Variants in TRPC7 observed in about 807,000 individuals in gnomAD.
TRPC7 encodes the protein short transient receptor potential channel 7.
In TRPC7, 42 loss-of-function variants were observed where a neutral mutation model predicts 90.1. That is an observed-to-expected ratio of 0.47 (90% CI 0.36 to 0.60). The LOEUF (loss-of-function observed/expected upper bound fraction) is 0.60, where lower values mean the gene tolerates loss of function less well. Among genes scored for constraint, TRPC7 ranks in the 20% least tolerant of loss-of-function variants. TRPC7 has a pLI of 0.00. For missense variants in TRPC7, 955 were observed against 1,112.3 expected, an observed-to-expected ratio of 0.86 and a Z score of 2.01; for synonymous variants, 451 against 436.3, an observed-to-expected ratio of 1.03 and a Z score of -0.42.
chr5:136,360,876 A>G (rs1760548346), intron 1 of TRPC7, among the ~76,000 whole-genome samples: 1 of 152,070 alleles, frequency 6.6e-6, no homozygotes, highest in South Asian at 2.1e-4. Context: ...ACTCCCTCTT[A>G]CCCTAATATC....
rs1371096633 is a variant in TRPC7 at position 136,251,498 on chromosome 5, C to T, written c.1579+151G>A. 4.6e-6 allele frequency: 3 copies of T among 650,860 alleles called. No individual in the cohort carries two copies. The African/African-American group carries it at 5.5e-5, about 12-fold the overall frequency. 40.3% of individuals were successfully genotyped at this position (650,860 alleles called of 1,614,324 possible). ...TTTTTGAGGTGGAAAGGATGCTCTG[C>T]ACTGACAGTGGAACTGCCAAAGTCG... On this transcript the variant is annotated intron_variant, in intron 6 of 11. Transcript: ENST00000513104.
intron 5 of TRPC7, among the ~76,000 whole-genome samples, chr5:136,258,451 A>T (rs1333023408): frequency 6.6e-6 from 1 of 152,126 alleles, no homozygotes; most frequent in East Asian, 1.9e-4. Context: ...TTTAGAGCCC[A>T]GGGCTCAAGG....
intron 6 of TRPC7, among the ~76,000 whole-genome samples, 169 bp downstream of exon 6, chr5:136,251,480 G>C (rs1756513825): frequency 6.6e-6 from 1 of 152,148 alleles, no homozygotes; most frequent in Non-Finnish European, 1.5e-5. Flanking sequence ...GTTTTTTTGA[G>C]GTGGAAAGGA....
At chr5:136,312,085 T>C (rs1227073567) in intron 3 of TRPC7, among the ~76,000 whole-genome samples, 1 of 152,118 alleles carries the variant, frequency 6.6e-6, no homozygotes, top group Non-Finnish European at 1.5e-5. Context: ...TAATAAGTGT[T>C]TGGACCTGGG....
chr5:136,289,758 C>T (rs905162188), intron 3 of TRPC7, among the ~76,000 whole-genome samples: 6 of 152,254 alleles, frequency 3.9e-5, no homozygotes, highest in Admixed American at 2.0e-4. Flanking sequence ...CCTCTGCAGA[C>T]TTAAATGTCC....
intron 5 of TRPC7, among the ~76,000 whole-genome samples, chr5:136,257,840 AC>A (rs147799264): frequency 6.6e-6 from 1 of 152,024 alleles, no homozygotes; most frequent in Non-Finnish European, 1.5e-5. Context: ...GCTTTCCTCT[AC>A]CCCCAAATTA....
chr5:136,327,739 G>T (rs1759384655), intron 2 of TRPC7, among the ~76,000 whole-genome samples: 1 of 152,126 alleles, frequency 6.6e-6, no homozygotes, highest in African/African-American at 2.4e-5. Flanking sequence ...GGTAAAGTGG[G>T]GAAGCACACA....
At chr5:136,226,987 G>A (rs192017657) in intron 8 of TRPC7, among the ~76,000 whole-genome samples, 2 of 152,328 alleles carry the variant, frequency 1.3e-5, no homozygotes, top group East Asian at 1.9e-4. Flanking sequence ...GGACAGCACA[G>A]TATATTTATT....
chr5:136,270,704 A>G (rs1757182364), intron 4 of TRPC7, among the ~76,000 whole-genome samples: 1 of 152,190 alleles, frequency 6.6e-6, no homozygotes, highest in Admixed American at 6.5e-5. Flanking sequence ...TAGGAAATAG[A>G]TGGAGAGATG....
intron 10 of TRPC7, among the ~76,000 whole-genome samples, chr5:136,219,338 TC>T (rs1431215136): frequency 6.6e-6 from 1 of 152,178 alleles, no homozygotes; most frequent in East Asian, 1.9e-4. Context: ...TATAAAGTCT[TC>T]TTGTGGAAGC....
chr5:136,259,814 G>T (rs890898150), intron 5 of TRPC7, among the ~76,000 whole-genome samples: 4 of 152,194 alleles, frequency 2.6e-5, no homozygotes, highest in African/African-American at 9.6e-5. Context: ...ATATATGTCT[G>T]CCAGCAAATT....
intron 2 of TRPC7, among the ~76,000 whole-genome samples, chr5:136,325,847 A>G (rs566557168): frequency 1.3e-5 from 2 of 152,290 alleles, no homozygotes; most frequent in East Asian, 1.9e-4. Context: ...AAGCTTCTTA[A>G]AGCTAAACCA....
chr5:136,362,549 A>C lies in TRPC7; in HGVS notation c.2+2704T>G, dbSNP rs550242945. 3.9e-5 allele frequency among the ~76,000 whole-genome samples: 6 copies of C among 152,286 alleles called. No individual in the cohort carries two copies. The South Asian group carries it at 1.2e-3, about 32-fold the overall frequency. ...ACATGCATTATCATTTTAAGTTCTC[A>C]CAAACTATTACATGGTTTAGGTGCT... On this transcript the variant is annotated intron_variant, in intron 1 of 11. Coordinates refer to ENST00000513104, the MANE Select transcript of TRPC7 (RefSeq NM_020389.3).
chr5:136,246,541 G>C lies in TRPC7; in HGVS notation c.1844+930C>G, dbSNP rs183020988. ...GAGAGGTCCATCATGCCCATGCTGT[G>C]TATTCTGGTGGGCAGTGGCCAGGGA... On this transcript the variant is annotated intron_variant, in intron 7 of 11. Coordinates refer to ENST00000513104, the MANE Select transcript of TRPC7 (RefSeq NM_020389.3). 3.1e-3 allele frequency among the ~76,000 whole-genome samples: 473 copies of C among 152,328 alleles called. 3 individuals are homozygous for C. The highest frequency in any genetic ancestry group is 0.011 in the African/African-American group (455 of 41,572).
At position 136,356,911 on chromosome 5, in the gene TRPC7, C is replaced by CG; in HGVS notation, c.476dup (p.Arg160AlafsTer19). ...TGGGCGTGATGTCGTGGGAGAAGCG[C>CG]GTGCCGTCCTCGTCGTAGGCATAGA... On this transcript the variant is annotated frameshift_variant, in exon 2 of 12. Coordinates refer to ENST00000513104, the MANE Select transcript of TRPC7 (RefSeq NM_020389.3). LOFTEE classifies it high-confidence loss of function. 1 of 1,613,858 alleles carries CG rather than the reference C, an allele frequency of 6.2e-7. No homozygotes were observed. The highest frequency in any genetic ancestry group is 8.5e-7 in the Non-Finnish European group (1 of 1,179,954).
chr5:136,316,151 A>T (rs1410899533), intron 2 of TRPC7: 1 of 185,334 alleles, frequency 5.4e-6, no homozygotes, highest in Admixed American at 5.8e-5. Context: ...AATGATGTGG[A>T]TGCCTGCCAC....
intron 7 of TRPC7, among the ~76,000 whole-genome samples, chr5:136,242,531 G>A (rs1756204677): frequency 6.6e-6 from 1 of 152,166 alleles, no homozygotes; most frequent in African/African-American, 2.4e-5. Flanking sequence ...ACTGGATCTG[G>A]CTACCTCTTC....
chr5:136,301,505 G>A (rs989475269), intron 3 of TRPC7, among the ~76,000 whole-genome samples: 2 of 151,958 alleles, frequency 1.3e-5, no homozygotes, highest in Non-Finnish European at 2.9e-5. Flanking sequence ...TTCCACCATT[G>A]TGATTTGTTT....
chr5:136,323,504 T>G (rs781739076), intron 2 of TRPC7, among the ~76,000 whole-genome samples: 16 of 152,228 alleles, frequency 1.1e-4, no homozygotes, highest in Non-Finnish European at 2.1e-4. Context: ...TTTGTGTTAA[T>G]TTTTTGTATA....
Sources: gnomAD v4.1 joint callset for allele counts (sites outside exome capture counted in the v4.1 genomes callset) on GRCh38, gnomAD v4.1.1 for gene constraint, MANE v1.5 for transcripts, NCBI Gene and HGNC (gene_info 2026-07-23, HGNC 2026-07-21) for gene names.